The following FAM120B variants were observed in gnomAD, a reference collection of about 807,000 sequenced individuals.
The protein encoded by FAM120B is constitutive coactivator of peroxisome proliferator-activated receptor gamma.
Under a neutral mutation model 96.3 loss-of-function variants are expected in FAM120B, and 83 were observed. The ratio of observed to expected loss-of-function variants is 0.86; its 90% CI spans 0.72 to 1.03. The LOEUF (loss-of-function observed/expected upper bound fraction) is 1.03. FAM120B is among the 50% of genes least tolerant of loss of function. The pLI is 0.00. For synonymous variants in FAM120B, 407 were observed against 402.7 expected (o/e 1.01, Z -0.13); for missense variants, 1,027 against 1,121.2 (o/e 0.92, Z 1.20).
chr6:170,334,331 T>G (rs1786269782), intron 4 of FAM120B, among the ~76,000 whole-genome samples: 1 of 152,218 alleles, frequency 6.6e-6, no homozygotes, highest in South Asian at 2.1e-4. Context: ...AGAAGACTAT[T>G]TTACAAAACG....
chr6:170,305,178 G>A (rs1342703067), upstream of FAM120B, among the ~76,000 whole-genome samples: 2 of 151,958 alleles, frequency 1.3e-5, no homozygotes, highest in Non-Finnish European at 2.9e-5. Context: ...GGGGGGGCGG[G>A]GGACAGAAAC....
intron 5 of FAM120B, among the ~76,000 whole-genome samples, chr6:170,351,618 CA>C: frequency 6.6e-6 from 1 of 152,280 alleles, no homozygotes; most frequent in Non-Finnish European, 1.5e-5. Flanking sequence ...CCCTACAAGC[CA>C]GAAGAGATTG....
intron 8 of FAM120B, among the ~76,000 whole-genome samples, chr6:170,394,221 G>A (rs1246234928): frequency 6.6e-6 from 1 of 152,196 alleles, no homozygotes; most frequent in Admixed American, 6.5e-5. Context: ...CACAATGGGA[G>A]GACACTGGGG....
intron 1 of FAM120B, 41 bp from the exon 2 acceptor site, chr6:170,317,329 G>T: frequency 1.3e-6 from 2 of 1,482,810 alleles, no homozygotes; most frequent in South Asian, 1.2e-5. Flanking sequence ...TATATCTAAT[G>T]ATAATGCCAT....
chr6:170,382,376 C>T (rs1368497033), intron 6 of FAM120B, among the ~76,000 whole-genome samples: 1 of 152,144 alleles, frequency 6.6e-6, no homozygotes, highest in African/African-American at 2.4e-5. Context: ...CATACTCCAG[C>T]CTGGGCAACC....
At chr6:170,335,220 C>G (rs112662473) in intron 4 of FAM120B, among the ~76,000 whole-genome samples, 2 of 151,826 alleles carry the variant, frequency 1.3e-5, no homozygotes, top group African/African-American at 2.4e-5. Context: ...CCCCAACCCC[C>G]CAACAGGACC....
chr6:170,353,272 A>AAC (rs1215091228), intron 5 of FAM120B, among the ~76,000 whole-genome samples: 10 of 152,024 alleles, frequency 6.6e-5, no homozygotes, highest in Admixed American at 5.9e-4. Context: ...CAAACAAACA[A>AAC]AAAAAAATCC....
chr6:170,400,373 G>T (rs1034867147), intron 9 of FAM120B, among the ~76,000 whole-genome samples: 1 of 152,154 alleles, frequency 6.6e-6, no homozygotes, highest in Admixed American at 6.5e-5. Context: ...CAGAAGGCAG[G>T]TGGAGTGGGA....
intron 1 of FAM120B, among the ~76,000 whole-genome samples, chr6:170,308,544 C>T (rs950668387): frequency 1.3e-5 from 2 of 152,108 alleles, no homozygotes; most frequent in Admixed American, 6.5e-5. Flanking sequence ...ATTTATGGGG[C>T]AGATTTACTG....
At chr6:170,351,072 T>C (rs1188560384) in intron 5 of FAM120B, among the ~76,000 whole-genome samples, 3 of 152,212 alleles carry the variant, frequency 2.0e-5, no homozygotes, top group African/African-American at 7.2e-5. Flanking sequence ...ATAGCCATAA[T>C]AGTCAGTTTA....
At chr6:170,399,605 G>A (rs1174638577) in intron 9 of FAM120B, among the ~76,000 whole-genome samples, 20 of 149,056 alleles carry the variant, frequency 1.3e-4, no homozygotes, top group Non-Finnish European at 1.6e-4. Flanking sequence ...GAGTGAGGAA[G>A]GTAGAACTAT....
rs1289709595 is a variant in FAM120B at position 170,406,908 on chromosome 6, A to C, written c.*2157A>C. 2 of 152,236 alleles carry C rather than the reference A, an allele frequency of 1.3e-5. No homozygotes were observed. The highest frequency in any genetic ancestry group is 2.4e-5 in the African/African-American group (1 of 41,474). The allele number at this position is 152,236 out of a possible 1,614,324, so 9.4% of individuals were successfully genotyped here. ...GTGTTTGGTTAACAAGCTCTTATTT[A>C]AGCCATTGAGTTAGTATAATCTTTA... On this transcript the variant is annotated 3_prime_UTR_variant, in exon 11 of 11. Transcript: ENST00000476287.
intron 6 of FAM120B, among the ~76,000 whole-genome samples, chr6:170,383,102 G>GAAA (rs140590111): frequency 1.8e-5 from 2 of 108,440 alleles, no homozygotes; most frequent in Non-Finnish European, 4.2e-5. Flanking sequence ...GCCAAAAAAA[G>GAAA]AAAAAAAAAA....
At chr6:170,323,312 G>A in intron 3 of FAM120B, 53 bp downstream of exon 3, 1 of 1,476,524 alleles carries the variant, frequency 6.8e-7, no homozygotes, top group Non-Finnish European at 9.2e-7. Context: ...GTTGAGTTCT[G>A]AGAAACTGGC....
rs77116653 is a variant in FAM120B, at chr6:170,406,319, G to C, written c.*1568G>C. ...AAGATGCCCCGTGTTCTTAGGAGGT[G>C]CTCACCCCTGGCACCTAAAGACATT... On this transcript the variant is annotated 3_prime_UTR_variant, in exon 11 of 11. Coordinates refer to ENST00000476287, the MANE Select transcript of FAM120B (RefSeq NM_032448.3). 0.013 allele frequency: 2,010 copies of C among 152,270 alleles called. 23 individuals are homozygous for C. The highest frequency in any genetic ancestry group is 0.052 in the East Asian group (270 of 5,170). The allele number at this position is 152,270 out of a possible 1,614,324, so 9.4% of individuals were successfully genotyped here. A position where few individuals can be genotyped will look rare whatever the true frequency, so the allele number is the denominator to read the frequency against.
At chr6:170,394,017 C>G (rs1268896741) in intron 8 of FAM120B, among the ~76,000 whole-genome samples, 1 of 152,216 alleles carries the variant, frequency 6.6e-6, no homozygotes, top group Admixed American at 6.5e-5. Flanking sequence ...CACAAGTGCT[C>G]ATGCTGGAGG....
intron 6 of FAM120B, among the ~76,000 whole-genome samples, chr6:170,368,486 A>C (rs895868895): frequency 1.3e-5 from 2 of 152,258 alleles, no homozygotes; most frequent in Non-Finnish European, 2.9e-5. Context: ...TCAAGCCGTT[A>C]AGATGGCGCT....
At chr6:170,301,191 A>G (rs1212248572) in intron 1 of FAM120B, among the ~76,000 whole-genome samples, 1 of 152,226 alleles carries the variant, frequency 6.6e-6, no homozygotes, top group African/African-American at 2.4e-5. Flanking sequence ...GGAGGTTCCC[A>G]AACCTCTGTT....
At chr6:170,294,820 T>A (rs1450200983), upstream of FAM120B, among the ~76,000 whole-genome samples, 1 of 152,012 alleles carries the variant, frequency 6.6e-6, no homozygotes, top group Non-Finnish European at 1.5e-5. The surrounding 1 kb of genome is among the most constrained non-coding windows in gnomAD (Gnocchi z 7.9). Context: ...GAGACTTGAG[T>A]GGGGTTTGTG....
Sources: allele counts gnomAD v4.1 joint callset (sites outside exome capture counted in the v4.1 genomes callset), GRCh38; gene constraint gnomAD v4.1.1; non-coding constraint Gnocchi (gnomAD v3.1); transcripts MANE v1.5; gene names NCBI Gene and HGNC (gene_info 2026-07-23, HGNC 2026-07-21).